Variants in GLRA2 observed in about 807,000 individuals in gnomAD.
The protein encoded by GLRA2 is glycine receptor subunit alpha-2.
GLRA2 carries 11 observed loss-of-function variants against 31.6 expected under a neutral mutation model. The observed-to-expected ratio is 0.35, with a 90% CI of 0.22 to 0.58. GLRA2 has a LOEUF of 0.58. GLRA2 is among the 20% of genes least tolerant of loss of function. The pLI, the probability that GLRA2 is intolerant of heterozygous loss-of-function variation, is 0.84. For synonymous variants in GLRA2, 132 were observed against 134.0 expected (o/e 0.99, Z 0.10); for missense variants, 212 against 351.8 (o/e 0.60, Z 3.18).
At chrX:14,536,298 A>G (rs1221188729) in intron 2 of GLRA2, among the ~76,000 whole-genome samples, 1 of 112,337 alleles carries the variant, frequency 8.9e-6, no homozygotes, top group East Asian at 2.8e-4. Context: ...AAGTGGAGCT[A>G]AAGTTCAAAT....
chrX:14,637,521 C>G (rs1269413316), intron 7 of GLRA2, among the ~76,000 whole-genome samples: 1 of 111,833 alleles, frequency 8.9e-6, no homozygotes, highest in Non-Finnish European at 1.9e-5. Flanking sequence ...TCTATCCACA[C>G]TTATGAAATC....
chrX:14,494,562 G>A, the GLRA2 span, among the ~76,000 whole-genome samples: 3 of 111,168 alleles, frequency 2.7e-5, no homozygotes, highest in Non-Finnish European at 5.7e-5. Flanking sequence ...GTGATCTTGT[G>A]ATATTCCCCA....
chrX:14,544,387 T>C (rs2089449856), intron 2 of GLRA2, among the ~76,000 whole-genome samples: 2 of 111,476 alleles, frequency 1.8e-5, no homozygotes, highest in Admixed American at 9.5e-5. Flanking sequence ...GTTTCATACC[T>C]GTATGAAGAA....
chrX:14,579,481 C>A (rs1305611830), intron 3 of GLRA2, among the ~76,000 whole-genome samples: 1 of 111,101 alleles, frequency 9.0e-6, no homozygotes, highest in Non-Finnish European at 1.9e-5. Context: ...AGGCATGCAC[C>A]AGCACACCTG....
the GLRA2 span, among the ~76,000 whole-genome samples, chrX:14,456,621 T>A: frequency 8.9e-6 from 1 of 112,254 alleles, no homozygotes; most frequent in East Asian, 2.8e-4. Flanking sequence ...TTAACTTTCT[T>A]TTTCTGGCTT....
chrX:14,616,119 G>A (rs995020427), intron 7 of GLRA2, among the ~76,000 whole-genome samples: 2 of 111,865 alleles, frequency 1.8e-5, no homozygotes, highest in Non-Finnish European at 3.8e-5. Flanking sequence ...AAAGTATGAG[G>A]ATGAATTGAA....
At chrX:14,468,272 G>C in the GLRA2 span, among the ~76,000 whole-genome samples, 1 of 112,417 alleles carries the variant, frequency 8.9e-6, no homozygotes, top group South Asian at 3.6e-4. Flanking sequence ...CTCTGAGTAA[G>C]TTTCATTCTT....
chrX:14,649,681 T>C (rs895521861), intron 7 of GLRA2, among the ~76,000 whole-genome samples: 1 of 111,587 alleles, frequency 9.0e-6, no homozygotes, highest in African/African-American at 3.3e-5. Context: ...GTAAATAAAG[T>C]CCAAGACGCA....
At chrX:14,452,421 A>G in the GLRA2 span, among the ~76,000 whole-genome samples, 3 of 112,672 alleles carry the variant, frequency 2.7e-5, no homozygotes, top group East Asian at 2.8e-4. Context: ...TGCCTTCTAC[A>G]TAACCTACTG....
intron 7 of GLRA2, among the ~76,000 whole-genome samples, chrX:14,635,567 T>C (rs1415850857): frequency 1.8e-5 from 2 of 111,734 alleles, no homozygotes; most frequent in African/African-American, 6.5e-5. Flanking sequence ...AATGTTCTTT[T>C]GTTAGTAAAT....
chrX:14,625,889 A>G (rs941918391), intron 7 of GLRA2, among the ~76,000 whole-genome samples: 1 of 111,640 alleles, frequency 9.0e-6, no homozygotes, highest in Non-Finnish European at 1.9e-5. Flanking sequence ...TATTATCCCT[A>G]CTTTATAGAT....
chrX:14,648,937 T>C (rs2090860095), intron 7 of GLRA2, among the ~76,000 whole-genome samples: 1 of 111,972 alleles, frequency 8.9e-6, no homozygotes, highest in Admixed American at 9.5e-5. Flanking sequence ...AAAATATGGC[T>C]GGGCGCAGTG....
intron 4 of GLRA2, among the ~76,000 whole-genome samples, chrX:14,590,953 C>T (rs760717687): frequency 2.7e-4 from 30 of 111,623 alleles, no homozygotes; most frequent in African/African-American, 8.5e-4. Context: ...GTGGATTCAG[C>T]AGGAGCTGTG....
intron 4 of GLRA2, among the ~76,000 whole-genome samples, chrX:14,590,205 G>C (rs1023525717): frequency 9.0e-6 from 1 of 111,405 alleles, no homozygotes; most frequent in Non-Finnish European, 1.9e-5. Context: ...TCTGGGTGTT[G>C]ATAATTCAGT....
chrX:14,505,843 T>C, the GLRA2 span, among the ~76,000 whole-genome samples: 1 of 111,601 alleles, frequency 9.0e-6, no homozygotes, highest in Non-Finnish European at 1.9e-5. Context: ...GTACACCCAA[T>C]TCTGCCCCCA....
At chrX:14,535,291 C>CT (rs1250485377) in intron 2 of GLRA2, among the ~76,000 whole-genome samples, 2 of 112,089 alleles carry the variant, frequency 1.8e-5, no homozygotes, top group Non-Finnish European at 3.8e-5. Flanking sequence ...TATAATTTTT[C>CT]TTATTGGAAA....
intron 8 of GLRA2, among the ~76,000 whole-genome samples, chrX:14,714,233 A>T (rs891025174): frequency 1.8e-5 from 2 of 110,981 alleles, no homozygotes; most frequent in Non-Finnish European, 3.8e-5. Flanking sequence ...GTTCTCAAGT[A>T]GGGTTGATTT....
At chrX:14,702,539 T>G (rs10521643) in intron 8 of GLRA2, among the ~76,000 whole-genome samples, 9,108 of 111,916 alleles carry the variant, frequency 0.081, 524 homozygotes, top group African/African-American at 0.19. Context: ...AGTGTGAATA[T>G]AAAAGTGGCT....
intron 7 of GLRA2, among the ~76,000 whole-genome samples, chrX:14,664,284 C>A (rs772372417): frequency 8.9e-6 from 1 of 111,835 alleles, no homozygotes; most frequent in East Asian, 2.8e-4. Flanking sequence ...AAAGCAAAAT[C>A]TTTTTATTTC....
Sources: allele counts gnomAD v4.1 joint callset (sites outside exome capture counted in the v4.1 genomes callset), GRCh38; gene constraint gnomAD v4.1.1; transcripts MANE v1.5; gene names NCBI Gene and HGNC (gene_info 2026-07-23, HGNC 2026-07-21).